NEO1: variants seen among roughly 807,000 people sequenced by gnomAD.
The protein encoded by NEO1 is neogenin 1, also known as neogenin.
A neutral mutation model predicts 159.7 loss-of-function variants in NEO1; 63 were observed. The ratio of observed to expected loss-of-function variants is 0.39; its 90% CI spans 0.32 to 0.49. NEO1 has a LOEUF of 0.49. Ranked by LOEUF, NEO1 falls within the 20% of genes least tolerant of loss-of-function variation. The pLI, the probability that NEO1 is intolerant of heterozygous loss-of-function variation, is 0.85. For missense variants in NEO1, 1,615 were observed against 1,831.0 expected (o/e 0.88, Z 2.15); for synonymous variants, 633 against 662.0 (o/e 0.96, Z 0.67).
At chr15:73,246,642 T>C (rs186081049) in intron 9 of NEO1, among the ~76,000 whole-genome samples, 181 of 152,202 alleles carry the variant, frequency 1.2e-3, no homozygotes, top group African/African-American at 4.1e-3. Flanking sequence ...ATCCCAGAAA[T>C]AGAATCTAAC....
At chr15:73,268,678 G>C (rs917300256) in intron 16 of NEO1, among the ~76,000 whole-genome samples, 1 of 152,216 alleles carries the variant, frequency 6.6e-6, no homozygotes, top group Non-Finnish European at 1.5e-5. Context: ...GAAACCCATT[G>C]TAAACTGTGA....
At chr15:73,115,124 C>G (rs2071227637) in intron 1 of NEO1, among the ~76,000 whole-genome samples, 1 of 151,986 alleles carries the variant, frequency 6.6e-6, no homozygotes, top group South Asian at 2.1e-4. Context: ...CTCACTGCAA[C>G]CTCCACCTCC....
intron 5 of NEO1, among the ~76,000 whole-genome samples, chr15:73,151,308 A>G (rs1307847047): frequency 6.6e-6 from 1 of 152,224 alleles, no homozygotes; most frequent in Non-Finnish European, 1.5e-5. Context: ...TGTTATAGAC[A>G]TATTAAAACT....
intron 1 of NEO1, among the ~76,000 whole-genome samples, chr15:73,072,506 G>T (rs1316909858): frequency 6.6e-6 from 1 of 152,142 alleles, no homozygotes; most frequent in South Asian, 2.1e-4. Flanking sequence ...TTGAGTACAT[G>T]TTGCATGCTC....
At chr15:73,277,991 T>G (rs2041494934) in intron 21 of NEO1, 140 bp from the exon 22 acceptor site, 2 of 648,360 alleles carry the variant, frequency 3.1e-6, no homozygotes, top group Admixed American at 2.9e-5. Context: ...TAGATTCCCA[T>G]GATTTATGTG....
chr15:73,209,840 CAAAAA>C (rs925118946), intron 7 of NEO1, among the ~76,000 whole-genome samples: 1 of 151,454 alleles, frequency 6.6e-6, no homozygotes, highest in African/African-American at 2.4e-5. Context: ...AAAAAACAAA[CAAAAA>C]AAAGCACAAA....
chr15:73,237,854 T>A (rs1193400473), intron 8 of NEO1, among the ~76,000 whole-genome samples: 2 of 152,242 alleles, frequency 1.3e-5, no homozygotes, highest in Admixed American at 1.3e-4. Context: ...AACCATTTAG[T>A]AATTCTGCGT....
chr15:73,243,279 A>G (rs943163017), intron 8 of NEO1, among the ~76,000 whole-genome samples: 7 of 152,214 alleles, frequency 4.6e-5, no homozygotes, highest in Non-Finnish European at 8.8e-5. Flanking sequence ...AATGCTCACA[A>G]TCAGACAAAT....
intron 1 of NEO1, among the ~76,000 whole-genome samples, chr15:73,093,938 G>T (rs2069846544): frequency 6.6e-6 from 1 of 151,888 alleles, no homozygotes; most frequent in African/African-American, 2.4e-5. Flanking sequence ...TGTGCTTTTT[G>T]TTTTGTTTTG....
chr15:73,122,319 G>A (rs1229703932), intron 2 of NEO1, among the ~76,000 whole-genome samples: 2 of 151,546 alleles, frequency 1.3e-5, no homozygotes, highest in Non-Finnish European at 2.9e-5. Flanking sequence ...TTCTCTAACT[G>A]TGAGGAATCT....
At chr15:73,268,859 T>C (rs1368627438) in intron 16 of NEO1, among the ~76,000 whole-genome samples, 1 of 152,188 alleles carries the variant, frequency 6.6e-6, no homozygotes, top group Non-Finnish European at 1.5e-5. Flanking sequence ...AGTATAGACT[T>C]TCCATCAAAT....
intron 13 of NEO1, chr15:73,255,280 A>C (rs1270306004): frequency 6.5e-6 from 1 of 154,166 alleles, no homozygotes; most frequent in South Asian, 2.0e-4. Context: ...ATAATCATAC[A>C]TGCGACTATG....
chr15:73,186,299 T>A (rs2035922338), intron 7 of NEO1, among the ~76,000 whole-genome samples: 1 of 151,462 alleles, frequency 6.6e-6, no homozygotes, highest in South Asian at 2.1e-4. Context: ...GCTGCCCAAG[T>A]GAGCACAGAG....
At chr15:73,154,069 A>G (rs953219171) in intron 5 of NEO1, among the ~76,000 whole-genome samples, 8 of 152,202 alleles carry the variant, frequency 5.3e-5, no homozygotes, top group African/African-American at 1.9e-4. Context: ...TATCTTTCAT[A>G]TTAACAAGAA....
intron 12 of NEO1, 131 bp from the exon 13 acceptor site, chr15:73,254,551 T>C: frequency 1.2e-6 from 1 of 862,698 alleles, no homozygotes; most frequent in Non-Finnish European, 1.7e-6. Flanking sequence ...TAAATAACTT[T>C]GTAAAACTCT....
chr15:73,197,288 G>C (rs1440842047), intron 7 of NEO1, among the ~76,000 whole-genome samples: 1 of 152,138 alleles, frequency 6.6e-6, no homozygotes, highest in Non-Finnish European at 1.5e-5. Flanking sequence ...GAACCTGGGA[G>C]GTGGAGTTTG....
At chr15:73,253,373 A>ATTTTTTTTTTTTTTTTTTTTTTTTTTTT in intron 11 of NEO1, 27 bp from the exon 12 acceptor site, 1 of 1,152,178 alleles carries the variant, frequency 8.7e-7, no homozygotes, top group Non-Finnish European at 1.2e-6. Flanking sequence ...TAAAAAAAAA[A>ATTTTTTTTTTTTTTTTTTTTTTTTTTTT]TTTTTTTTTT....
intron 1 of NEO1, among the ~76,000 whole-genome samples, chr15:73,104,220 T>G (rs2070557216): frequency 6.6e-6 from 1 of 152,240 alleles, no homozygotes; most frequent in Non-Finnish European, 1.5e-5. Flanking sequence ...CTGACATTAC[T>G]GACTTAAGTT....
At chr15:73,290,345 A>G (rs911735991) in intron 25 of NEO1, among the ~76,000 whole-genome samples, 1 of 145,770 alleles carries the variant, frequency 6.9e-6, no homozygotes, top group South Asian at 2.2e-4. Flanking sequence ...GGTTCAAGCA[A>G]TTCTCCTGCC....
Sources: allele counts gnomAD v4.1 joint callset (sites outside exome capture counted in the v4.1 genomes callset), GRCh38; gene constraint gnomAD v4.1.1; transcripts MANE v1.5; gene names NCBI Gene and HGNC (gene_info 2026-07-23, HGNC 2026-07-21).